The following TRIM34 variants were observed in gnomAD, a reference collection of about 807,000 sequenced individuals.
TRIM34 encodes tripartite motif containing 34.
Under a neutral mutation model 38.1 loss-of-function variants are expected in TRIM34, and 41 were observed. The observed-to-expected ratio is 1.08, with a 90% confidence interval of 0.84 to 1.40. The LOEUF (loss-of-function observed/expected upper bound fraction) is 1.40. TRIM34 is among the 40% of genes most tolerant of loss of function. The pLI is 0.00. For missense variants in TRIM34, 556 were observed against 571.4 expected (o/e 0.97, Z 0.27); for synonymous variants, 200 against 202.5 (o/e 0.99, Z 0.10).
rs749108201 is a variant in TRIM34, at chr11:5,643,437, G to T, written c.1195G>T (p.Val399Phe). Residue 399 changes from valine (V) to phenylalanine (F), a missense_variant, in exon 8 of 8, where the codon GTT becomes TTT. By Grantham distance (50) the Val-to-Phe change is conservative. Transcript: ENST00000429814. ...ATACAGACCTCTATTTGGCTACTGGGTTATAGGGTTACAGAATAAATGTAA... is the reference window on the plus strand; with the variant it reads ...ATACAGACCTCTATTTGGCTACTGGTTTATAGGGTTACAGAATAAATGTAA... The part of the protein sequence containing the change: ...TKYRPLFGYW[V>F]IGLQNKCKYG... The T allele has an allele frequency of 6.2e-7, 1 of 1,614,036 alleles. No individual in the cohort carries two copies. The highest frequency in any genetic ancestry group is 1.3e-5 in the African/African-American group (1 of 74,902).
intron 1 of TRIM34, among the ~76,000 whole-genome samples, chr11:5,625,750 C>T (rs1326669702): frequency 1.3e-5 from 2 of 152,218 alleles, no homozygotes; most frequent in East Asian, 1.9e-4. Context: ...CCTGAACATA[C>T]CTGTTTACTT....
At chr11:5,632,803 A>G (rs371392354) in intron 2 of TRIM34, 49 bp downstream of exon 2, 28 of 1,490,092 alleles carry the variant, frequency 1.9e-5, no homozygotes, top group Non-Finnish European at 2.3e-5. Context: ...TAGTTGGTGG[A>G]AAATCTCACC....
In TRIM34 at chr11:5,634,704, A is replaced by G. The variant is rs778606085; in HGVS notation, c.593A>G (p.Glu198Gly). Residue 198 changes from glutamate (E) to glycine (G), a missense_variant, in exon 4 of 8, where the codon GAG (glutamate) becomes GGG (glycine). By Grantham distance (98) the Glu-to-Gly change is moderately conservative. Coordinates refer to ENST00000429814, the MANE Select transcript of TRIM34 (RefSeq NM_021616.6). ...DQLRSILNNEEQRELQRLEEE... is the reference protein window; with the variant it reads ...DQLRSILNNEGQRELQRLEEE... Reference sequence around the variant, plus strand: ...CTTAGAAGCATCCTAAATAATGAGGAGCAGAGAGAGCTGCAAAGATTGGAA... The same window carrying G: ...CTTAGAAGCATCCTAAATAATGAGGGGCAGAGAGAGCTGCAAAGATTGGAA... The G allele has an allele frequency of 1.9e-6, 3 of 1,614,106 alleles. No individual in the cohort carries two copies. Among genetic ancestry groups the G allele is most frequent in the South Asian group, 2.2e-5 (2 of 91,086 alleles).
intron 6 of TRIM34, 30 bp downstream of exon 6, chr11:5,642,536 G>T (rs749782761): frequency 5.7e-5 from 92 of 1,610,418 alleles, no homozygotes; most frequent in Non-Finnish European, 7.6e-5. Context: ...GACTGTGGAT[G>T]TGGGATTGTT....
chr11:5,643,016 G>C, intron 7 of TRIM34, 128 bp from the exon 8 acceptor site: 1 of 1,305,728 alleles, frequency 7.7e-7, no homozygotes, highest in Non-Finnish European at 1.0e-6. Flanking sequence ...AAGTTTTTCA[G>C]TCACTTCCCA....
At chr11:5,625,290 G>A (rs578002218) in intron 1 of TRIM34, among the ~76,000 whole-genome samples, 1 of 152,138 alleles carries the variant, frequency 6.6e-6, no homozygotes. Context: ...TTGTTTTCTG[G>A]GGTGTCTTTT....
At position 5,644,348 on chromosome 11, in the gene TRIM34, C is replaced by A; in HGVS notation, c.*639C>A. On this transcript the variant is annotated 3_prime_UTR_variant, in exon 8 of 8. Transcript: ENST00000429814. ...CTAAGTGTCTCTAAATGTAATGCAT[C>A]GATTTAGTGTCTGGAACATAATAAA... 2.5e-6 allele frequency: 1 copy of A among 397,986 alleles called. No individual in the cohort carries two copies. Among genetic ancestry groups the A allele is most frequent in the South Asian group, 1.3e-4 (1 of 7,740 alleles). 24.7% of individuals were successfully genotyped at this position (397,986 alleles called of 1,614,324 possible). A position where few individuals can be genotyped will look rare whatever the true frequency, so the allele number is the denominator to read the frequency against.
intron 1 of TRIM34, 93 bp from the exon 2 acceptor site, chr11:5,632,161 TG>T: frequency 6.7e-7 from 1 of 1,488,510 alleles, no homozygotes. Flanking sequence ...CTTTGTTCTT[TG>T]ATATTGCAGT....
chr11:5,634,955 T>C (rs886810996), intron 4 of TRIM34, 94 bp downstream of exon 4: 1 of 1,411,116 alleles, frequency 7.1e-7, no homozygotes, highest in Admixed American at 2.4e-5. Flanking sequence ...GGGGTTTCTT[T>C]GGCCTTGCAG....
upstream of TRIM34, among the ~76,000 whole-genome samples, chr11:5,620,466 G>T (rs932965361): frequency 6.6e-6 from 1 of 152,028 alleles, no homozygotes; most frequent in Admixed American, 6.6e-5. Context: ...CTCCTATAGT[G>T]CTGGGATTAC....
chr11:5,634,530 C>CACACACACACACACACACAT (rs1491498839), intron 3 of TRIM34, 101 bp from the exon 4 acceptor site: 30 of 262,024 alleles, frequency 1.1e-4, no homozygotes, highest in African/African-American at 9.2e-4. Flanking sequence ...CACACACACA[C>CACACACACACACACACACAT]ATATATATAT....
chr11:5,632,244 A>G lies in TRIM34; in HGVS notation c.-77-11A>G. 1 of 1,585,136 alleles carries G rather than the reference A, an allele frequency of 6.3e-7. No individual in the cohort carries two copies. Among genetic ancestry groups the G allele is most frequent in the Non-Finnish European group, 8.6e-7 (1 of 1,169,110 alleles). On this transcript the variant is annotated splice_polypyrimidine_tract_variant and intron_variant, in intron 1 of 7. Transcript: ENST00000429814. ...TACCATTCTTATACCATCCCCTTTC[A>G]ATCTTCTCAGCCATCCAGGGGTCTT...
At chr11:5,638,809 A>G (rs75401954) in intron 4 of TRIM34, among the ~76,000 whole-genome samples, 2,584 of 152,330 alleles carry the variant, frequency 0.017, 30 homozygotes, top group Middle Eastern at 0.054. Flanking sequence ...TCACAGTCCA[A>G]TGAGATGCAG....
intron 3 of TRIM34, 64 bp downstream of exon 3, chr11:5,633,963 C>T: frequency 6.4e-7 from 1 of 1,567,172 alleles, no homozygotes; most frequent in Non-Finnish European, 8.7e-7. Flanking sequence ...TCCAAGGAGG[C>T]CTCGTCCTTT....
chr11:5,635,138 T>A lies in TRIM34; in HGVS notation c.750+277T>A, dbSNP rs144023948. ...AAGCATTCATCAGACTTCTCTTTAC[T>A]CTGGTTAGTCACAGGTAAACACATG... On this transcript the variant is annotated intron_variant, in intron 4 of 7. Coordinates refer to ENST00000429814, the MANE Select transcript of TRIM34 (RefSeq NM_021616.6). Among the ~76,000 whole-genome samples, 56 of 152,326 alleles carry A rather than the reference T, an allele frequency of 3.7e-4. No homozygotes were observed. In the East Asian group the frequency reaches 7.1e-3, roughly 19 times the overall value.
chr11:5,622,707 C>CTGAT (rs1435251826), upstream of TRIM34, among the ~76,000 whole-genome samples: 4 of 152,196 alleles, frequency 2.6e-5, no homozygotes, highest in African/African-American at 9.7e-5. Flanking sequence ...CCACACAGAA[C>CTGAT]TGATGGGCTA....
upstream of TRIM34, among the ~76,000 whole-genome samples, chr11:5,623,508 C>T (rs1849071322): frequency 1.3e-5 from 2 of 150,584 alleles, no homozygotes; most frequent in South Asian, 2.1e-4. Context: ...GCTGGGATTA[C>T]AGGCGCATGC....
At chr11:5,642,666 A>G (rs1307504128) in intron 6 of TRIM34, 151 bp from the exon 7 acceptor site, 4 of 1,351,544 alleles carry the variant, frequency 3.0e-6, no homozygotes, top group Non-Finnish European at 3.9e-6. Flanking sequence ...TATGTAAGGA[A>G]AAATGGCTAG....
At chr11:5,634,533 AT>A in intron 3 of TRIM34, 97 bp from the exon 4 acceptor site, 1 of 677,872 alleles carries the variant, frequency 1.5e-6, no homozygotes, top group Non-Finnish European at 2.2e-6. Context: ...ACACACACAT[AT>A]ATATATATAT....
Sources: allele counts gnomAD v4.1 joint callset (sites outside exome capture counted in the v4.1 genomes callset), GRCh38; gene constraint gnomAD v4.1.1; transcripts MANE v1.5; gene names NCBI Gene and HGNC (gene_info 2026-07-23, HGNC 2026-07-21).